The following UXS1 variants were observed in gnomAD, a reference collection of about 807,000 sequenced individuals.
UXS1 encodes the protein UDP-glucuronate decarboxylase 1.
In UXS1, 33 loss-of-function variants were observed where a neutral mutation model predicts 62.6. That is an observed-to-expected ratio of 0.53 (90% CI 0.40 to 0.70). The LOEUF is 0.70. UXS1 is among the 30% of genes least tolerant of loss of function. UXS1 has a pLI of 0.00. For synonymous variants in UXS1, 213 were observed against 206.8 expected, an observed-to-expected ratio of 1.03 and a Z score of -0.26; for missense variants, 434 against 556.3, an observed-to-expected ratio of 0.78 and a Z score of 2.21.
At chr2:106,117,247 C>A (rs1342386967) in intron 9 of UXS1, among the ~76,000 whole-genome samples, 2 of 152,206 alleles carry the variant, frequency 1.3e-5, no homozygotes, top group African/African-American at 4.8e-5. Flanking sequence ...GCTCTGGCCA[C>A]CTGAGAGCCT....
chr2:106,164,270 C>T (rs7591409), intron 3 of UXS1, among the ~76,000 whole-genome samples: 120,157 of 152,086 alleles, frequency 0.79, 48,403 homozygotes, highest in Non-Finnish European at 0.88. Flanking sequence ...CATGTTACAA[C>T]GGTCTGGCTG....
chr2:106,172,113 C>T (rs1420439730), intron 1 of UXS1, among the ~76,000 whole-genome samples: 2 of 152,254 alleles, frequency 1.3e-5, no homozygotes, highest in African/African-American at 4.8e-5. Flanking sequence ...CATTGCTTTA[C>T]TGTCCAGAGG....
intron 5 of UXS1, among the ~76,000 whole-genome samples, chr2:106,152,520 AAAAGAAAAG>A (rs1267090776): frequency 7.2e-6 from 1 of 138,500 alleles, no homozygotes; most frequent in Admixed American, 7.2e-5. Flanking sequence ...GGAGGGAGGG[AAAAGAAAAG>A]AAAGAAAAGA....
Position 106,093,935 on chromosome 2 carries a change from T to A in UXS1, c.*91A>T. ...CCAGTTTGTTCTTCATGACACCTGT[T>A]AAAGTCTTTCTTTAAACGACAACAA... On this transcript the variant is annotated 3_prime_UTR_variant, in exon 15 of 15. Coordinates refer to ENST00000283148, the MANE Select transcript of UXS1 (RefSeq NM_001253875.2). The A allele has an allele frequency of 6.9e-7, 1 of 1,452,214 alleles. No homozygotes were observed. The highest frequency in any genetic ancestry group is 9.1e-7 in the Non-Finnish European group (1 of 1,100,696). The allele number at this position is 1,452,214 out of a possible 1,614,324, so 90.0% of individuals were successfully genotyped here.
chr2:106,120,385 G>A (rs1679426461), intron 9 of UXS1, among the ~76,000 whole-genome samples: 1 of 152,166 alleles, frequency 6.6e-6, no homozygotes, highest in African/African-American at 2.4e-5. Context: ...AGGGTCAAGG[G>A]CACGGTCCTC....
intron 7 of UXS1, among the ~76,000 whole-genome samples, chr2:106,126,324 T>C (rs1453359113): frequency 1.3e-5 from 2 of 152,148 alleles, no homozygotes; most frequent in African/African-American, 4.8e-5. Context: ...AGTCCCAGTG[T>C]ACAGTGGTTC....
chr2:106,110,174 C>T (rs559355383), intron 10 of UXS1, among the ~76,000 whole-genome samples: 12 of 152,270 alleles, frequency 7.9e-5, no homozygotes, highest in African/African-American at 1.2e-4. Context: ...AGGCCTCCCT[C>T]GGGACTTCTG....
intron 11 of UXS1, chr2:106,102,808 T>A (rs4851918): frequency 6.6e-6 from 1 of 152,048 alleles, no homozygotes; most frequent in Non-Finnish European, 1.5e-5. Context: ...AATGAACTCA[T>A]CTGAGTCCTC....
At chr2:106,193,203 G>C (rs372880198) in intron 1 of UXS1, among the ~76,000 whole-genome samples, 9 of 152,166 alleles carry the variant, frequency 5.9e-5, no homozygotes, top group African/African-American at 2.2e-4. Context: ...CTCACCTCTG[G>C]AATCAGATCT....
intron 1 of UXS1, among the ~76,000 whole-genome samples, chr2:106,168,750 T>C (rs534629976): frequency 2.0e-5 from 3 of 152,202 alleles, no homozygotes; most frequent in South Asian, 2.1e-4. Flanking sequence ...GCTGTATAAA[T>C]TGTCATACAG....
chr2:106,154,467 A>G (rs1219714934), intron 5 of UXS1, among the ~76,000 whole-genome samples: 6 of 152,214 alleles, frequency 3.9e-5, no homozygotes, highest in Non-Finnish European at 8.8e-5. Flanking sequence ...TACTAAAGGC[A>G]TGCAAAGACC....
At chr2:106,149,121 A>G (rs1373336178) in intron 5 of UXS1, among the ~76,000 whole-genome samples, 1 of 152,246 alleles carries the variant, frequency 6.6e-6, no homozygotes, top group African/African-American at 2.4e-5. Flanking sequence ...AGTTATAGCA[A>G]CAATATACCA....
chr2:106,166,531 T>TG (rs1683222469), intron 1 of UXS1: 1 of 158,506 alleles, frequency 6.3e-6, no homozygotes, highest in Non-Finnish European at 1.4e-5. Context: ...GAACCGGCCC[T>TG]GGGCATGGCA....
chr2:106,105,039 G>A (rs1677941305), intron 10 of UXS1, among the ~76,000 whole-genome samples: 2 of 152,174 alleles, frequency 1.3e-5, no homozygotes, highest in Non-Finnish European at 2.9e-5. Flanking sequence ...AATACCTAAA[G>A]TGTGCACCTG....
chr2:106,116,901 G>A (rs923855302), intron 9 of UXS1, among the ~76,000 whole-genome samples: 24 of 152,150 alleles, frequency 1.6e-4, no homozygotes, highest in African/African-American at 4.8e-4. Flanking sequence ...CCCTGCTCAC[G>A]ACACATGGGT....
intron 6 of UXS1, chr2:106,138,755 C>A (rs1573487361): frequency 1.0e-6 from 1 of 985,494 alleles, no homozygotes; most frequent in Non-Finnish European, 1.2e-6. Flanking sequence ...TAAGTAGCGG[C>A]ACTGCTGCAT....
chr2:106,146,490 C>G (rs1483393594), intron 5 of UXS1, among the ~76,000 whole-genome samples: 1 of 152,132 alleles, frequency 6.6e-6, no homozygotes, highest in Non-Finnish European at 1.5e-5. Context: ...GTAAAGCCAC[C>G]TGGATTTGAG....
chr2:106,142,142 G>C (rs946017383), intron 6 of UXS1, among the ~76,000 whole-genome samples: 1 of 152,150 alleles, frequency 6.6e-6, no homozygotes, highest in Non-Finnish European at 1.5e-5. Context: ...AAAGTGCTGG[G>C]ATTATAGGTG....
chr2:106,175,242 G>C (rs1467097230), intron 1 of UXS1, among the ~76,000 whole-genome samples: 1 of 152,222 alleles, frequency 6.6e-6, no homozygotes, highest in African/African-American at 2.4e-5. Flanking sequence ...ATTATTGGCA[G>C]AGAAAGTTCC....
Sources: gnomAD v4.1 joint callset for allele counts (sites outside exome capture counted in the v4.1 genomes callset) on GRCh38, gnomAD v4.1.1 for gene constraint, MANE v1.5 for transcripts, NCBI Gene and HGNC (gene_info 2026-07-23, HGNC 2026-07-21) for gene names.